DPY19L3: variants seen among roughly 807,000 people sequenced by gnomAD.
DPY19L3 encodes protein C-mannosyl-transferase DPY19L3.
In DPY19L3, 51 loss-of-function variants were observed where a neutral mutation model predicts 92.3. That is an observed-to-expected ratio of 0.55 (90% CI 0.44 to 0.70). DPY19L3 has a LOEUF of 0.70. DPY19L3 is among the 30% of genes least tolerant of loss of function. The probability of loss-of-function intolerance (pLI) is 0.00; values close to 1 mark genes in which losing one functional copy is unlikely to be tolerated. For synonymous variants in DPY19L3, 309 were observed against 315.2 expected, an observed-to-expected ratio of 0.98 and a Z score of 0.21; for missense variants, 706 against 855.9, an observed-to-expected ratio of 0.82 and a Z score of 2.18.
chr19:32,453,645 A>T (rs954892731), intron 9 of DPY19L3, among the ~76,000 whole-genome samples: 1 of 152,092 alleles, frequency 6.6e-6, no homozygotes, highest in Non-Finnish European at 1.5e-5. Context: ...GAGCGTGTTC[A>T]TTACAGTCCT....
intron 5 of DPY19L3, among the ~76,000 whole-genome samples, chr19:32,436,823 T>C (rs530439612): frequency 1.5e-4 from 23 of 152,214 alleles, no homozygotes; most frequent in Middle Eastern, 3.2e-3. Flanking sequence ...ATATTTTCAT[T>C]TGCTCTCTGT....
chr19:32,438,496 A>G (rs549474337), intron 6 of DPY19L3, among the ~76,000 whole-genome samples: 4 of 152,226 alleles, frequency 2.6e-5, no homozygotes, highest in East Asian at 1.9e-4. Flanking sequence ...ATTGTTTCAT[A>G]TATATCTCTA....
chr19:32,466,216 C>T (rs539729437), intron 15 of DPY19L3, among the ~76,000 whole-genome samples: 1 of 152,148 alleles, frequency 6.6e-6, no homozygotes, highest in East Asian at 1.9e-4. Flanking sequence ...GTAAACTGTC[C>T]TAGGGAGCAT....
chr19:32,437,050 T>C (rs1295413666), intron 5 of DPY19L3, 144 bp from the exon 6 acceptor site: 2 of 931,448 alleles, frequency 2.1e-6, no homozygotes, highest in Non-Finnish European at 3.1e-6. Context: ...CGAACGCTTC[T>C]CTAATAGATG....
At chr19:32,443,008 C>G (rs919861301) in intron 8 of DPY19L3, among the ~76,000 whole-genome samples, 1 of 152,144 alleles carries the variant, frequency 6.6e-6, no homozygotes, top group African/African-American at 2.4e-5. Flanking sequence ...ACATCCTGTC[C>G]CCTCTCTATC....
chr19:32,468,998 T>C (rs1192209025), intron 16 of DPY19L3, 185 bp downstream of exon 16: 1 of 471,272 alleles, frequency 2.1e-6, no homozygotes, highest in Non-Finnish European at 3.5e-6. Flanking sequence ...AGAAATATTC[T>C]CTCCAGCTAT....
chr19:32,437,168 A>C (rs762134018), intron 5 of DPY19L3, 26 bp from the exon 6 acceptor site: 1 of 1,613,332 alleles, frequency 6.2e-7, no homozygotes, highest in Non-Finnish European at 8.5e-7. Flanking sequence ...CACCTGACAA[A>C]CATGTTTTAT....
chr19:32,409,791 A>G lies in DPY19L3; in HGVS notation c.103+1435A>G, dbSNP rs545586680. On this transcript the variant is annotated intron_variant, in intron 2 of 18. Transcript: ENST00000392250. ...CAACCAGCTCCCCTAGGACTAACAG[A>G]ATGAAAACTCAGTACTGCTAGAATC... 5.7e-4 allele frequency among the ~76,000 whole-genome samples: 87 copies of G among 152,278 alleles called. 1 individual carries two copies. The highest frequency in any genetic ancestry group is 1.1e-3 in the Non-Finnish European group (75 of 68,032).
At chr19:32,472,797 G>T (rs890231042) in intron 16 of DPY19L3, among the ~76,000 whole-genome samples, 3 of 151,944 alleles carry the variant, frequency 2.0e-5, no homozygotes, top group Non-Finnish European at 4.4e-5. Flanking sequence ...TTCACTTTAG[G>T]AGATTTTCAC....
In DPY19L3 at chr19:32,465,076, A is replaced by C. The variant is rs902469456; in HGVS notation, c.1614+292A>C. Among the ~76,000 whole-genome samples, 10 of 152,236 alleles carry C rather than the reference A, an allele frequency of 6.6e-5. No individual in the cohort carries two copies. In the East Asian group the frequency reaches 1.9e-3, roughly 29 times the overall value. The stretch of plus-strand genomic sequence containing the variant: ...CAAATTCTGAAAATAAGGTGTTTTC[A>C]GACCTATTTTGAAATGAAAGTAGGA... On this transcript the variant is annotated intron_variant, in intron 15 of 18. Coordinates refer to ENST00000392250, the MANE Select transcript of DPY19L3 (RefSeq NM_001172774.2).
chr19:32,477,448 T>A (rs950680904), intron 16 of DPY19L3, 74 bp from the exon 17 acceptor site: 14 of 1,573,218 alleles, frequency 8.9e-6, no homozygotes, highest in Non-Finnish European at 1.2e-5. Flanking sequence ...TCTGAAAAAG[T>A]TTGATATTGT....
rs774115184 is a variant in DPY19L3 at position 32,482,309 on chromosome 19, C to T, written c.*69C>T. 47 of 1,544,378 alleles carry T rather than the reference C, an allele frequency of 3.0e-5. No homozygotes were observed. Among genetic ancestry groups the T allele is most frequent in the Admixed American group, 5.9e-5 (3 of 51,044 alleles). On this transcript the variant is annotated 3_prime_UTR_variant, in exon 19 of 19. Coordinates refer to ENST00000392250, the MANE Select transcript of DPY19L3 (RefSeq NM_001172774.2). ...CATCATGATGAAACTCAATAGATGACGTTTCCTATGTAAGTAGGTAGCCCA... is the reference window on the plus strand; with the variant it reads ...CATCATGATGAAACTCAATAGATGATGTTTCCTATGTAAGTAGGTAGCCCA...
intron 17 of DPY19L3, among the ~76,000 whole-genome samples, chr19:32,479,924 C>G (rs1455353988): frequency 6.6e-6 from 1 of 152,176 alleles, no homozygotes; most frequent in Non-Finnish European, 1.5e-5. Context: ...AGCAGAGACC[C>G]TACAGGGATC....
In DPY19L3 at chr19:32,483,210, C is replaced by G. The variant is rs1970721844; in HGVS notation, c.*970C>G. The G allele has an allele frequency of 6.6e-6, 1 of 152,202 alleles. No homozygotes were observed. Among genetic ancestry groups the G allele is most frequent in the African/African-American group, 2.4e-5 (1 of 41,428 alleles). 9.4% of individuals were successfully genotyped at this position (152,202 alleles called of 1,614,324 possible). A position where few individuals can be genotyped will look rare whatever the true frequency, so the allele number is the denominator to read the frequency against. ...TAGTTCACTAATACAGTATTTTTAG[C>G]AGACAGCATTTTCAGACAGCATTTT... is the stretch of plus-strand genomic sequence containing the variant. On this transcript the variant is annotated 3_prime_UTR_variant, in exon 19 of 19. Transcript: ENST00000392250.
chr19:32,477,379 G>T, intron 16 of DPY19L3, 143 bp from the exon 17 acceptor site: 1 of 1,105,666 alleles, frequency 9.0e-7, no homozygotes. Flanking sequence ...AATCAAAACC[G>T]AAGCAAACTC....
chr19:32,461,083 G>A (rs921919376), intron 12 of DPY19L3, among the ~76,000 whole-genome samples: 1 of 152,128 alleles, frequency 6.6e-6, no homozygotes, highest in Non-Finnish European at 1.5e-5. Context: ...CCAGGCTGGT[G>A]TTGAACTCCT....
intron 2 of DPY19L3, among the ~76,000 whole-genome samples, chr19:32,408,562 C>T (rs969758161): frequency 1.3e-5 from 2 of 152,156 alleles, no homozygotes; most frequent in African/African-American, 4.8e-5. Context: ...AAGTGTTTGT[C>T]AGCTGTCTGT....
chr19:32,467,985 A>AAAT, intron 15 of DPY19L3: 1 of 985,144 alleles, frequency 1.0e-6, no homozygotes, highest in Non-Finnish European at 1.2e-6. Context: ...CCCTACATTT[A>AAAT]AATATTATTC....
At chr19:32,415,080 G>A (rs1968332957) in intron 3 of DPY19L3, among the ~76,000 whole-genome samples, 1 of 152,222 alleles carries the variant, frequency 6.6e-6, no homozygotes, top group South Asian at 2.1e-4. Flanking sequence ...ATGCCAGCAG[G>A]CACTGTGCTT....
Sources: allele counts gnomAD v4.1 joint callset (sites outside exome capture counted in the v4.1 genomes callset), GRCh38; gene constraint gnomAD v4.1.1; transcripts MANE v1.5; gene names NCBI Gene and HGNC (gene_info 2026-07-23, HGNC 2026-07-21).